The following SBF2 variants were observed in gnomAD, a reference collection of about 807,000 sequenced individuals.
SBF2 encodes myotubularin-related protein 13.
A neutral mutation model predicts 225.2 loss-of-function variants in SBF2; 112 were observed. The ratio of observed to expected loss-of-function variants is 0.50; its 90% CI spans 0.43 to 0.58. The LOEUF is 0.58. SBF2 is among the 20% of genes least tolerant of loss of function. The pLI is 0.00. For synonymous variants in SBF2, 763 were observed against 773.3 expected (o/e 0.99, Z 0.22); for missense variants, 1,996 against 2,206.2 (o/e 0.90, Z 1.91).
chr11:10,043,847 T>C (rs1397376553), intron 2 of SBF2, among the ~76,000 whole-genome samples: 1 of 152,188 alleles, frequency 6.6e-6, no homozygotes, highest in Non-Finnish European at 1.5e-5. Flanking sequence ...GTGCCAGGAT[T>C]ATAGGCATAA....
chr11:10,096,971 CTA>C (rs1952049121), intron 2 of SBF2, among the ~76,000 whole-genome samples: 1 of 152,160 alleles, frequency 6.6e-6, no homozygotes, highest in Non-Finnish European at 1.5e-5. Context: ...TATTCAGTCA[CTA>C]TGACTTTCTC....
intron 32 of SBF2, among the ~76,000 whole-genome samples, chr11:9,805,162 C>T (rs544056857): frequency 4.0e-5 from 6 of 151,526 alleles, no homozygotes; most frequent in East Asian, 1.9e-4. Flanking sequence ...GGGAAGACTG[C>T]GTGAGCCTGG....
intron 2 of SBF2, among the ~76,000 whole-genome samples, chr11:10,102,163 A>G (rs746893475): frequency 6.6e-6 from 1 of 152,240 alleles, no homozygotes; most frequent in Admixed American, 6.5e-5. Flanking sequence ...TAAATGCTTT[A>G]AAGTCATAAA....
rs547708370 is a variant in SBF2 at position 10,208,912 on chromosome 11, T to C, written c.56-14925A>G. On this transcript the variant is annotated intron_variant, in intron 1 of 39. Coordinates refer to ENST00000256190, the MANE Select transcript of SBF2 (RefSeq NM_030962.4). ...AAGTTATATTTACGTTTTCTTCCAA[T>C]TGCAGATAAGACTAGTACATAGCAA... Among the ~76,000 whole-genome samples the C allele has an allele frequency of 9.2e-5, 14 of 152,284 alleles. 1 individual carries two copies. The East Asian group carries it at 2.3e-3, about 25-fold the overall frequency.
intron 32 of SBF2, among the ~76,000 whole-genome samples, chr11:9,799,066 T>C (rs1166366788): frequency 6.6e-6 from 1 of 152,166 alleles, no homozygotes; most frequent in African/African-American, 2.4e-5. Flanking sequence ...CATACTTGTA[T>C]CTTTTCTTGA....
At chr11:9,985,229 T>G (rs746815826) in intron 13 of SBF2, among the ~76,000 whole-genome samples, 4 of 152,096 alleles carry the variant, frequency 2.6e-5, no homozygotes, top group Non-Finnish European at 5.9e-5. Flanking sequence ...ACATAACGAC[T>G]CACATAAACT....
intron 2 of SBF2, among the ~76,000 whole-genome samples, chr11:10,093,006 T>G (rs565756923): frequency 6.7e-6 from 1 of 150,080 alleles, no homozygotes; most frequent in South Asian, 2.1e-4. Context: ...ATTCCTCATT[T>G]TCTTTTCCTT....
intron 1 of SBF2, among the ~76,000 whole-genome samples, chr11:10,287,227 A>C (rs1963855458): frequency 6.6e-6 from 1 of 152,264 alleles, no homozygotes. Context: ...GGAACTGACT[A>C]CAAAGAGGCA....
In SBF2 at chr11:10,009,414, C is replaced by T. The variant is rs369648503; in HGVS notation, c.620-6725G>A. Among the ~76,000 whole-genome samples, 14 of 152,234 alleles carry T rather than the reference C, an allele frequency of 9.2e-5. No homozygotes were observed. In the South Asian group the frequency reaches 2.7e-3, roughly 29 times the overall value. ...CTAATGCTGTCCCTTCCCTACCCTC[C>T]CCACCCCCTGACAGGCCCTGGTGTG... On this transcript the variant is annotated intron_variant, in intron 6 of 39. Transcript: ENST00000256190.
At position 10,207,468 on chromosome 11, in the gene SBF2, T is replaced by C. The variant is rs201980556; in HGVS notation, c.56-13481A>G. 9.5e-4 allele frequency among the ~76,000 whole-genome samples: 144 copies of C among 152,284 alleles called. 1 individual carries two copies. The highest frequency in any genetic ancestry group is 3.0e-3 in the African/African-American group (126 of 41,578). ...TTCTCCAGTCCAATAGCTGGTGTTC[T>C]GATATCAGCTGGCTCTAAACCTCTT... On this transcript the variant is annotated intron_variant, in intron 1 of 39. Transcript: ENST00000256190.
At chr11:9,978,054 GATGGCTGGT>G (rs1946780214) in intron 13 of SBF2, among the ~76,000 whole-genome samples, 1 of 152,102 alleles carries the variant, frequency 6.6e-6, no homozygotes, top group Non-Finnish European at 1.5e-5. Flanking sequence ...AGTCAAATTA[GATGGCTGGT>G]TCTTGCTTAT....
chr11:10,196,261 C>T (rs987957150), intron 1 of SBF2, among the ~76,000 whole-genome samples: 2 of 152,132 alleles, frequency 1.3e-5, no homozygotes, highest in Admixed American at 1.3e-4. Flanking sequence ...AAGTTTATTC[C>T]TCCCTTCTTT....
At chr11:9,792,943 T>G (rs1278905394) in intron 33 of SBF2, among the ~76,000 whole-genome samples, 2,293 of 142,056 alleles carry the variant, frequency 0.016, 44 homozygotes, top group African/African-American at 0.048. Context: ...GTGTGTGTTT[T>G]TTTTTTTTTT....
chr11:9,981,630 C>T (rs1946963189), intron 13 of SBF2, among the ~76,000 whole-genome samples: 1 of 151,956 alleles, frequency 6.6e-6, no homozygotes, highest in African/African-American at 2.4e-5. Context: ...AATGTATAAC[C>T]ATTATTATAT....
intron 39 of SBF2, chr11:9,780,776 T>C: frequency 2.1e-6 from 1 of 469,788 alleles, no homozygotes; most frequent in Non-Finnish European, 3.9e-6. Flanking sequence ...CTTAGTGTCG[T>C]CTTTGACTAA....
In SBF2 at chr11:9,925,606, G is replaced by C. The variant is rs572831964; in HGVS notation, c.1861-29595C>G. On this transcript the variant is annotated intron_variant, in intron 16 of 39. Transcript: ENST00000256190. ...TGAGATATTTTATATTCCTTTACTG[G>C]ACTAAGTCCTCAAAAGCCAATGTAT... is the stretch of plus-strand genomic sequence containing the variant. Among the ~76,000 whole-genome samples the C allele has an allele frequency of 1.2e-4, 19 of 152,202 alleles. No individual in the cohort carries two copies. In the South Asian group the frequency reaches 3.7e-3, roughly 30 times the overall value.
chr11:10,157,239 C>T (rs1056987988), intron 2 of SBF2, among the ~76,000 whole-genome samples: 4 of 152,136 alleles, frequency 2.6e-5, no homozygotes, highest in African/African-American at 7.2e-5. Flanking sequence ...AACTGAACCC[C>T]TTCCTTACAC....
chr11:9,903,899 G>A (rs186456587), intron 16 of SBF2, among the ~76,000 whole-genome samples: 1 of 152,124 alleles, frequency 6.6e-6, no homozygotes, highest in Admixed American at 6.5e-5. Context: ...TGCCCAGGAA[G>A]TTGCTTCTCC....
chr11:9,788,043 G>C (rs1214982660), intron 35 of SBF2: 2 of 402,028 alleles, frequency 5.0e-6, no homozygotes, highest in Admixed American at 7.3e-5. Context: ...CAGCCCATGG[G>C]AAATCTGATA....
Sources: gnomAD v4.1 joint callset for allele counts (sites outside exome capture counted in the v4.1 genomes callset) on GRCh38, gnomAD v4.1.1 for gene constraint, MANE v1.5 for transcripts, NCBI Gene and HGNC (gene_info 2026-07-23, HGNC 2026-07-21) for gene names.